The following P4HA3 variants were observed in gnomAD, a reference collection of about 807,000 sequenced individuals.
P4HA3 encodes the protein prolyl 4-hydroxylase subunit alpha-3.
Under a neutral mutation model 66.7 loss-of-function variants are expected in P4HA3, and 60 were observed. That is an observed-to-expected ratio of 0.90 (90% confidence interval 0.73 to 1.12). The LOEUF (loss-of-function observed/expected upper bound fraction) is 1.12, where lower values mean the gene tolerates loss of function less well. P4HA3 is among the 50% of genes most tolerant of loss of function. The pLI, the probability that P4HA3 is intolerant of heterozygous loss-of-function variation, is 0.00. For missense variants in P4HA3, 683 were observed against 685.8 expected, an observed-to-expected ratio of 1.00 and a Z score of 0.05; for synonymous variants, 263 against 274.6, an observed-to-expected ratio of 0.96 and a Z score of 0.42.
intron 7 of P4HA3, among the ~76,000 whole-genome samples, chr11:74,281,031 G>GA (rs1389608864): frequency 6.6e-6 from 1 of 151,604 alleles, no homozygotes; most frequent in African/African-American, 2.4e-5. Flanking sequence ...AAATTTACAA[G>GA]AAAAAAACAA....
chr11:74,283,444 G>C (rs967465086), intron 7 of P4HA3, among the ~76,000 whole-genome samples: 6 of 152,144 alleles, frequency 3.9e-5, no homozygotes, highest in Admixed American at 3.9e-4. Flanking sequence ...GGGGCTTTTA[G>C]ATGAAATGAT....
At chr11:74,274,807 G>T (rs1336793403) in intron 9 of P4HA3, among the ~76,000 whole-genome samples, 2 of 152,082 alleles carry the variant, frequency 1.3e-5, no homozygotes, top group South Asian at 4.1e-4. Context: ...ATTCCCACTA[G>T]CAGTGTATGA....
At chr11:74,279,214 A>G (rs1860505229) in intron 8 of P4HA3, among the ~76,000 whole-genome samples, 174 bp downstream of exon 8, 1 of 152,162 alleles carries the variant, frequency 6.6e-6, no homozygotes, top group African/African-American at 2.4e-5. Context: ...TGATCTAACA[A>G]CCTGGGAAAG....
chr11:74,302,727 G>T, intron 2 of P4HA3, 135 bp from the exon 3 acceptor site: 1 of 784,006 alleles, frequency 1.3e-6, no homozygotes, highest in Non-Finnish European at 2.0e-6. Flanking sequence ...CCAGAGGCAA[G>T]CACAGTTCCT....
At chr11:74,286,469 C>G in intron 5 of P4HA3, 78 bp from the exon 6 acceptor site, 7 of 1,348,528 alleles carry the variant, frequency 5.2e-6, no homozygotes, top group Non-Finnish European at 7.0e-6. Context: ...AAGGTTTCCT[C>G]CAGCTTCACT....
At chr11:74,251,555 C>T (rs1019196850) in intron 15 of P4HA3, 22 of 1,551,298 alleles carry the variant, frequency 1.4e-5, no homozygotes, top group East Asian at 2.3e-5. Context: ...ATGAGGGCAC[C>T]GTAGAGCCTA....
chr11:74,291,975 G>T lies in P4HA3; in HGVS notation c.718-2845C>A, dbSNP rs1861045085. On this transcript the variant is annotated intron_variant, in intron 4 of 12. Transcript: ENST00000331597. ...CTGGCCTCATAAAATGAGTTAGGGAGGATTCCCTCTTTTTCTATTGATTGG... is the reference window on the plus strand; with the variant it reads ...CTGGCCTCATAAAATGAGTTAGGGATGATTCCCTCTTTTTCTATTGATTGG... Among the ~76,000 whole-genome samples, 4 of 152,228 alleles carry T rather than the reference G, an allele frequency of 2.6e-5. No individual in the cohort carries two copies. The South Asian group carries it at 8.3e-4, about 32-fold the overall frequency.
At chr11:74,265,995 T>C (rs1591084057), downstream of P4HA3, among the ~76,000 whole-genome samples, 1 of 152,202 alleles carries the variant, frequency 6.6e-6, no homozygotes, top group African/African-American at 2.4e-5. Flanking sequence ...GGCTGGGTGG[T>C]GGCATGGTCA....
At position 74,289,138 on chromosome 11, in the gene P4HA3, A is replaced by G; in HGVS notation, c.718-8T>C. Reference sequence around the variant, plus strand: ...ACACGAAACATTTCCTGCCTGTTAAAAAAAAAAAAAAGAAAAGAAAGCATT... The same window carrying G: ...ACACGAAACATTTCCTGCCTGTTAAGAAAAAAAAAAAGAAAAGAAAGCATT... On this transcript the variant is annotated splice_region_variant and splice_polypyrimidine_tract_variant and intron_variant, in intron 4 of 12. Coordinates refer to ENST00000331597, the MANE Select transcript of P4HA3 (RefSeq NM_182904.5). 7.0e-7 allele frequency: 1 copy of G among 1,437,650 alleles called. No individual in the cohort carries two copies. Among genetic ancestry groups the G allele is most frequent in the Non-Finnish European group, 9.4e-7 (1 of 1,061,034 alleles). 89.1% of individuals were successfully genotyped at this position (1,437,650 alleles called of 1,614,324 possible). A position where few individuals can be genotyped will look rare whatever the true frequency, so the allele number is the denominator to read the frequency against.
intron 7 of P4HA3, among the ~76,000 whole-genome samples, chr11:74,281,765 C>T (rs199950503): frequency 1.3e-5 from 2 of 151,904 alleles, no homozygotes; most frequent in African/African-American, 2.4e-5. Flanking sequence ...GGGAGATATA[C>T]CTAATGCTAG....
At chr11:74,279,706 A>G (rs1405984920) in intron 7 of P4HA3, among the ~76,000 whole-genome samples, 1 of 152,228 alleles carries the variant, frequency 6.6e-6, no homozygotes, top group African/African-American at 2.4e-5. Flanking sequence ...TAAGCACTCA[A>G]TAAAAGTTTG....
At chr11:74,299,834 A>C (rs994248545) in intron 3 of P4HA3, among the ~76,000 whole-genome samples, 6 of 152,140 alleles carry the variant, frequency 3.9e-5, no homozygotes, top group African/African-American at 1.4e-4. Context: ...TGCCCATATG[A>C]GGATAGAAGA....
intron 9 of P4HA3, among the ~76,000 whole-genome samples, chr11:74,275,519 T>C (rs553350096): frequency 6.6e-6 from 1 of 152,362 alleles, no homozygotes; most frequent in South Asian, 2.1e-4. Flanking sequence ...TCTGTTCTGT[T>C]CCATTGACAT....
At chr11:74,254,960 A>G (rs1396302394) in intron 15 of P4HA3, among the ~76,000 whole-genome samples, 4 of 152,184 alleles carry the variant, frequency 2.6e-5, no homozygotes, top group South Asian at 2.1e-4. Flanking sequence ...GAGCAGGACA[A>G]TCTGTGCACT....
chr11:74,258,859 C>G (rs1859865552), intron 15 of P4HA3, among the ~76,000 whole-genome samples: 1 of 151,770 alleles, frequency 6.6e-6, no homozygotes, highest in Non-Finnish European at 1.5e-5. Context: ...ACCTAAGTAT[C>G]CAAGTATAGT....
chr11:74,278,427 A>C (rs1447754508), intron 8 of P4HA3, among the ~76,000 whole-genome samples: 1 of 152,218 alleles, frequency 6.6e-6, no homozygotes, highest in Non-Finnish European at 1.5e-5. Flanking sequence ...GTGTGTGAGC[A>C]GGAAAATGAT....
rs753411882 is a variant in P4HA3 at position 74,311,516 on chromosome 11, C to T, written c.96G>A (p.Ser32=). Residue 32 remains serine (S), a synonymous_variant, in exon 1 of 13, where the codon TCG becomes TCA. Coordinates refer to ENST00000331597, the MANE Select transcript of P4HA3 (RefSeq NM_182904.5). ...ERAAARGDTF[S]ALTSVARALA... is the part of the protein sequence containing the mutation. Reference sequence around the variant, plus strand: ...GGGCGCGCGCCACGCTGGTCAGCGCCGAGAACGTGTCGCCCCGAGCCGCAG... The same window carrying T: ...GGGCGCGCGCCACGCTGGTCAGCGCTGAGAACGTGTCGCCCCGAGCCGCAG... The T allele has an allele frequency of 6.5e-7, 1 of 1,541,008 alleles. No homozygotes were observed.
intron 4 of P4HA3, among the ~76,000 whole-genome samples, chr11:74,293,699 C>T (rs1311649668): frequency 6.6e-6 from 1 of 152,284 alleles, no homozygotes; most frequent in East Asian, 1.9e-4. Flanking sequence ...TTCTCCTTCA[C>T]TTATGAAGCT....
In P4HA3 at chr11:74,289,028, G is replaced by C. The variant is rs770814854; in HGVS notation, c.769+51C>G. ...AATTAAAGGCCAGGAGCAGAAGGGA[G>C]TTCCCCGTAAATCAGACCTGTGGCT... On this transcript the variant is annotated intron_variant, in intron 5 of 12. Transcript: ENST00000331597. The C allele has an allele frequency of 3.8e-5, 51 of 1,341,154 alleles. No individual in the cohort carries two copies. In the African/African-American group the frequency reaches 4.5e-4, roughly 12 times the overall value. The allele number at this position is 1,341,154 out of a possible 1,614,324, so 83.1% of individuals were successfully genotyped here. A position where few individuals can be genotyped will look rare whatever the true frequency, so the allele number is the denominator to read the frequency against.
Sources: allele counts gnomAD v4.1 joint callset (sites outside exome capture counted in the v4.1 genomes callset), GRCh38; gene constraint gnomAD v4.1.1; transcripts MANE v1.5; gene names NCBI Gene and HGNC (gene_info 2026-07-23, HGNC 2026-07-21).